The following PNPLA1 variants were observed in gnomAD, a reference collection of about 807,000 sequenced individuals.
The protein encoded by PNPLA1 is patatin like domain 1, omega-hydroxyceramide transacylase, also known as omega-hydroxyceramide transacylase.
In PNPLA1, 36 loss-of-function variants were observed where a neutral mutation model predicts 51.7. The observed-to-expected ratio is 0.70, with a 90% CI of 0.53 to 0.92. PNPLA1 has a LOEUF of 0.92. Ranked by LOEUF, PNPLA1 falls within the 40% of genes least tolerant of loss-of-function variation. PNPLA1 has a pLI of 0.00. For synonymous variants in PNPLA1, 293 were observed against 280.1 expected (o/e 1.05, Z -0.46); for missense variants, 658 against 682.5 (o/e 0.96, Z 0.40).
At chr6:36,275,175 C>A (rs138472131) in intron 1 of PNPLA1, among the ~76,000 whole-genome samples, 2,407 of 152,238 alleles carry the variant, frequency 0.016, 55 homozygotes, top group African/African-American at 0.05. Flanking sequence ...AACTCCTAGG[C>A]TCAAGTGATC....
intron 6 of PNPLA1, among the ~76,000 whole-genome samples, chr6:36,302,891 G>A (rs4713955): frequency 0.2 from 29,723 of 152,028 alleles, 3,013 homozygotes; most frequent in East Asian, 0.3. Context: ...TGTGCTGGGC[G>A]TGCTACTCAA....
At chr6:36,245,118 C>T (rs1293991311) in intron 1 of PNPLA1, among the ~76,000 whole-genome samples, 1 of 152,146 alleles carries the variant, frequency 6.6e-6, no homozygotes, top group African/African-American at 2.4e-5. Flanking sequence ...AAAGCTTTGT[C>T]TAAAAACCTG....
intron 5 of PNPLA1, among the ~76,000 whole-genome samples, chr6:36,300,075 C>A (rs1770982714): frequency 6.6e-6 from 1 of 152,046 alleles, no homozygotes; most frequent in Admixed American, 6.6e-5. Flanking sequence ...TTCCAGGACC[C>A]CCCACCCAGG....
chr6:36,281,948 G>C (rs1041083620), intron 1 of PNPLA1, among the ~76,000 whole-genome samples: 1 of 151,326 alleles, frequency 6.6e-6, no homozygotes, highest in Non-Finnish European at 1.5e-5. Context: ...TTGAACCCAG[G>C]AGATGGGGAG....
rs368522613 is a variant in PNPLA1, at chr6:36,295,434, G to T, written c.775+10G>T. On this transcript the variant is annotated intron_variant, in intron 5 of 8. Coordinates refer to ENST00000636260, the MANE Select transcript of PNPLA1 (RefSeq NM_001374623.1). ...TACTTGAGGCGGCTGAGTAAGTACCGGTGGGGCCCCAGGTAAGGGCAGTGT... is the reference window on the plus strand; with the variant it reads ...TACTTGAGGCGGCTGAGTAAGTACCTGTGGGGCCCCAGGTAAGGGCAGTGT... 3.1e-6 allele frequency: 5 copies of T among 1,614,086 alleles called. No individual in the cohort carries two copies. In the South Asian group the frequency reaches 5.5e-5, roughly 18 times the overall value.
At chr6:36,243,749 G>A (rs1769196184) in intron 1 of PNPLA1, among the ~76,000 whole-genome samples, 1 of 152,142 alleles carries the variant, frequency 6.6e-6, no homozygotes, top group Admixed American at 6.5e-5. Flanking sequence ...CTGCTTTGAT[G>A]TGGTATCCTG....
intron 6 of PNPLA1, among the ~76,000 whole-genome samples, chr6:36,304,203 G>A (rs1278465887): frequency 6.6e-6 from 1 of 152,132 alleles, no homozygotes; most frequent in Admixed American, 6.5e-5. Flanking sequence ...GGTGCTCATG[G>A]TCCTCAGCCA....
At chr6:36,255,023 T>C (rs1769499967) in intron 1 of PNPLA1, among the ~76,000 whole-genome samples, 1 of 152,172 alleles carries the variant, frequency 6.6e-6, no homozygotes, top group African/African-American at 2.4e-5. Flanking sequence ...ATGCAACTGA[T>C]CATAACTTAA....
Position 36,270,617 on chromosome 6 carries a change from C to T in PNPLA1, c.158C>T (p.Ser53Leu), listed in dbSNP as rs1207879599. ...LETAHRFAGT[S>L]AGAVIAALAI... is the part of the protein sequence containing the mutation. The stretch of plus-strand genomic sequence containing the variant: ...ACAGCCCACCGCTTTGCGGGGACAT[C>T]GGCAGGTGCTGTGATCGCCGCCCTG... The change falls in exon 1 of 9, where the codon TCG (serine) becomes TTG (leucine). Residue 53 changes from serine to leucine, a missense_variant. Ser to Leu is a moderately radical substitution (Grantham distance 145). Coordinates refer to ENST00000636260, the MANE Select transcript of PNPLA1 (RefSeq NM_001374623.1). 3.2e-6 allele frequency: 5 copies of T among 1,551,374 alleles called. No individual in the cohort carries two copies. Among genetic ancestry groups the T allele is most frequent in the African/African-American group, 2.7e-5 (2 of 73,064 alleles).
chr6:36,280,153 C>T lies in PNPLA1; in HGVS notation c.205+9489C>T, dbSNP rs547656945. Among the ~76,000 whole-genome samples the T allele has an allele frequency of 1.5e-4, 23 of 152,308 alleles. No homozygotes were observed. In the South Asian group the frequency reaches 4.4e-3, roughly 29 times the overall value. On this transcript the variant is annotated intron_variant, in intron 1 of 8. Coordinates refer to ENST00000636260, the MANE Select transcript of PNPLA1 (RefSeq NM_001374623.1). The stretch of plus-strand genomic sequence containing the variant: ...CCCGGGAGGCGGCGGTTGCAGTAAA[C>T]CAATATTGCACCACTGCACTCCAGC...
At chr6:36,252,639 G>A (rs1049473493) in intron 1 of PNPLA1, among the ~76,000 whole-genome samples, 2 of 152,086 alleles carry the variant, frequency 1.3e-5, no homozygotes, top group Non-Finnish European at 2.9e-5. Flanking sequence ...CAGTCTATCT[G>A]AGGACCAAAG....
At chr6:36,277,539 C>G (rs533357082) in intron 1 of PNPLA1, among the ~76,000 whole-genome samples, 2 of 152,328 alleles carry the variant, frequency 1.3e-5, no homozygotes, top group East Asian at 3.9e-4. Flanking sequence ...AGAAACTCTG[C>G]CCCTGCCTGA....
In PNPLA1 at chr6:36,270,576, C is replaced by G. The variant is rs1769881340; in HGVS notation, c.117C>G (p.Ala39=). 6.4e-7 allele frequency: 1 copy of G among 1,551,520 alleles called. No individual in the cohort carries two copies. Among genetic ancestry groups the G allele is most frequent in the Admixed American group, 2.0e-5 (1 of 50,992 alleles). ...CTGTGGACGCCCTGCGGGACCTGGC[C>G]CCCCGGATGCTGGAAACAGCCCACC... ...AGAVDALRDL[A]PRMLETAHRF... The change falls in exon 1 of 9, where the codon GCC becomes GCG. Residue 39 remains alanine, a synonymous_variant. Coordinates refer to ENST00000636260, the MANE Select transcript of PNPLA1 (RefSeq NM_001374623.1).
At chr6:36,274,332 G>A (rs866586112) in intron 1 of PNPLA1, among the ~76,000 whole-genome samples, 17 of 152,250 alleles carry the variant, frequency 1.1e-4, no homozygotes, top group African/African-American at 4.1e-4. Flanking sequence ...GATGTTAAGG[G>A]GTGAGGAGGC....
intron 6 of PNPLA1, among the ~76,000 whole-genome samples, chr6:36,305,768 C>CTTTTTTTTTTTT (rs72063246): frequency 3.1e-5 from 3 of 96,574 alleles, no homozygotes; most frequent in African/African-American, 4.0e-5. Context: ...TTACTTTTCT[C>CTTTTTTTTTTTT]TTTTTTTTTT....
intron 6 of PNPLA1, among the ~76,000 whole-genome samples, chr6:36,305,778 T>C (rs1456312595): frequency 2.0e-5 from 3 of 147,052 alleles, no homozygotes; most frequent in Non-Finnish European, 4.5e-5. Flanking sequence ...CTTTTTTTTT[T>C]TTTTTTTTTT....
Position 36,302,418 on chromosome 6 carries a change from G to T in PNPLA1, c.1333G>T (p.Ala445Ser). ...AACACTGCCCCGAAGTTCTCTTTCA[G>T]CCTTCCCTGCTCAGCCACCTGTGGA... The part of the protein sequence containing the change: ...PQTLPRSSLS[A>S]FPAQPPVEEL... Residue 445 changes from alanine to serine, a missense_variant, in exon 6 of 9, where the codon GCC (alanine) becomes TCC (serine). Transcript: ENST00000636260. 1 of 1,571,572 alleles carries T rather than the reference G, an allele frequency of 6.4e-7. No individual in the cohort carries two copies.
At position 36,285,703 on chromosome 6, in the gene PNPLA1, A is replaced by G. The variant is rs73421624; in HGVS notation, c.206-5617A>G. Among the ~76,000 whole-genome samples the G allele has an allele frequency of 9.1e-3, 1,388 of 152,270 alleles. 23 individuals are homozygous for G. The highest frequency in any genetic ancestry group is 0.031 in the African/African-American group (1,293 of 41,556). On this transcript the variant is annotated intron_variant, in intron 1 of 8. Transcript: ENST00000636260. ...CCAGGCACTATATTGAGTGCTAGGG[A>G]CAAAAGAATGAACAAGACAGAGACC...
chr6:36,278,049 C>T (rs1296643601), intron 1 of PNPLA1, among the ~76,000 whole-genome samples: 1 of 152,208 alleles, frequency 6.6e-6, no homozygotes, highest in African/African-American at 2.4e-5. Context: ...CTCTGCCCCC[C>T]TTTCAGAGAG....
Sources: gnomAD v4.1 joint callset for allele counts (sites outside exome capture counted in the v4.1 genomes callset) on GRCh38, gnomAD v4.1.1 for gene constraint, MANE v1.5 for transcripts, NCBI Gene and HGNC (gene_info 2026-07-23, HGNC 2026-07-21) for gene names.